The following CFDP1 variants were observed in gnomAD, a reference collection of about 807,000 sequenced individuals.
CFDP1 encodes the protein chromatin remodeling protein CFDP1.
CFDP1 carries 31 observed loss-of-function variants against 40.1 expected under a neutral mutation model. The observed-to-expected ratio is 0.77, with a 90% CI of 0.58 to 1.04. The LOEUF (loss-of-function observed/expected upper bound fraction) is 1.04. CFDP1 is among the 50% of genes least tolerant of loss of function. CFDP1 has a pLI of 0.00. For missense variants in CFDP1, 423 were observed against 343.4 expected, an observed-to-expected ratio of 1.23 and a Z score of -1.83; for synonymous variants, 167 against 120.0, an observed-to-expected ratio of 1.39 and a Z score of -2.56.
chr16:75,354,398 G>C (rs2078633202), intron 5 of CFDP1, among the ~76,000 whole-genome samples: 1 of 152,162 alleles, frequency 6.6e-6, no homozygotes, highest in Non-Finnish European at 1.5e-5. Flanking sequence ...AGATCACAGA[G>C]CGGGATATGG....
At chr16:75,413,897 C>A (rs1310251975) in intron 2 of CFDP1, among the ~76,000 whole-genome samples, 1 of 152,106 alleles carries the variant, frequency 6.6e-6, no homozygotes, top group Non-Finnish European at 1.5e-5. Context: ...AACCTTAGAT[C>A]AAACAATTCC....
At chr16:75,389,073 G>A (rs963598869) in intron 5 of CFDP1, among the ~76,000 whole-genome samples, 1 of 152,178 alleles carries the variant, frequency 6.6e-6, no homozygotes, top group Non-Finnish European at 1.5e-5. Flanking sequence ...ACAAGTCAAT[G>A]CGTAAGGGTA....
rs2078210723 is a variant in CFDP1, at chr16:75,299,939, CAG to C, written c.809+5083_809+5084del. On this transcript the variant is annotated intron_variant, in intron 6 of 6. Transcript: ENST00000283882. ...AGCCTCCTGGGGAAGGAGCACTACA[CAG>C]AGACAGTGAGGCTGGGCTGCAGCGA... 2.6e-5 allele frequency among the ~76,000 whole-genome samples: 4 copies of C among 152,100 alleles called. No individual in the cohort carries two copies. The South Asian group carries it at 8.3e-4, about 32-fold the overall frequency.
chr16:75,323,165 C>T (rs951808519), intron 5 of CFDP1, among the ~76,000 whole-genome samples: 9 of 151,632 alleles, frequency 5.9e-5, no homozygotes, highest in African/African-American at 2.2e-4. Context: ...TTTCTTTATA[C>T]CCTGTTTCTG....
chr16:75,414,552 T>C (rs1251979377), intron 2 of CFDP1, 26 bp downstream of exon 2: 2 of 1,405,424 alleles, frequency 1.4e-6, no homozygotes, highest in Admixed American at 1.7e-5. Flanking sequence ...GCCCCTAACT[T>C]CTAAGGGCCT....
chr16:75,428,172 TC>T (rs2079363546), intron 1 of CFDP1, among the ~76,000 whole-genome samples: 1 of 151,898 alleles, frequency 6.6e-6, no homozygotes, highest in Admixed American at 6.6e-5. Context: ...TTGAAACTGT[TC>T]ATTTTGGTGG....
At chr16:75,375,512 C>A (rs1319031104) in intron 5 of CFDP1, among the ~76,000 whole-genome samples, 1 of 152,144 alleles carries the variant, frequency 6.6e-6, no homozygotes, top group Non-Finnish European at 1.5e-5. Context: ...ACTGACAAGG[C>A]TGGGCGCGGT....
intron 6 of CFDP1, among the ~76,000 whole-genome samples, chr16:75,303,400 A>AATAAATGAATGTATGTATGTATGT (rs745774792): frequency 0.021 from 3,111 of 146,098 alleles, 39 homozygotes; most frequent in South Asian, 0.037. Context: ...TAAATAAATA[A>AATAAATGAATGTATGTATGTATGT]ATGTATGTAT....
At chr16:75,382,204 A>G (rs1483380350) in intron 5 of CFDP1, among the ~76,000 whole-genome samples, 3 of 152,044 alleles carry the variant, frequency 2.0e-5, no homozygotes, top group Non-Finnish European at 4.4e-5. Flanking sequence ...ATTAGATGAC[A>G]TACTATATTG....
chr16:75,422,094 T>C (rs766293270), intron 1 of CFDP1, among the ~76,000 whole-genome samples: 14 of 151,684 alleles, frequency 9.2e-5, no homozygotes, highest in Non-Finnish European at 1.8e-4. Flanking sequence ...AAATACTTTC[T>C]CTCTCTCTCT....
chr16:75,301,959 A>T (rs1489230419), intron 6 of CFDP1: 1 of 152,426 alleles, frequency 6.6e-6, no homozygotes, highest in Non-Finnish European at 1.5e-5. Context: ...GGCACTTAAG[A>T]AGGCAGATGA....
chr16:75,304,214 GTGCACCACTA>G (rs2078242841), intron 6 of CFDP1, among the ~76,000 whole-genome samples: 1 of 152,026 alleles, frequency 6.6e-6, no homozygotes, highest in Non-Finnish European at 1.5e-5. Context: ...GATTACAAGT[GTGCACCACTA>G]TGCCTGGCTA....
At chr16:75,313,335 T>A (rs563098662) in intron 5 of CFDP1, among the ~76,000 whole-genome samples, 1 of 152,240 alleles carries the variant, frequency 6.6e-6, no homozygotes, top group South Asian at 2.1e-4. Flanking sequence ...ATGTGAGAGT[T>A]TTTTTTGTTT....
At position 75,357,848 on chromosome 16, in the gene CFDP1, C is replaced by T. The variant is rs376499390; in HGVS notation, c.650+37242G>A. Among the ~76,000 whole-genome samples the T allele has an allele frequency of 3.3e-5, 5 of 152,216 alleles. No homozygotes were observed. In the East Asian group the frequency reaches 9.6e-4, roughly 29 times the overall value. On this transcript the variant is annotated intron_variant, in intron 5 of 6. Transcript: ENST00000283882. ...TCTTTTGCATTTACAACTTGGCTAA[C>T]TGTTTGGTACAAGAGGCCTAGCTTT...
chr16:75,304,963 TA>T, intron 6 of CFDP1, 60 bp downstream of exon 6: 1 of 1,550,086 alleles, frequency 6.5e-7, no homozygotes, highest in South Asian at 1.1e-5. Context: ...TTGTCTCCAA[TA>T]AATCATTTGA....
chr16:75,418,699 A>G (rs1177553576), intron 1 of CFDP1, among the ~76,000 whole-genome samples: 1 of 150,806 alleles, frequency 6.6e-6, no homozygotes, highest in African/African-American at 2.4e-5. Context: ...TCTAAAGTTC[A>G]AAGTTGAGAC....
chr16:75,410,396 A>T (rs1486831148), intron 4 of CFDP1, among the ~76,000 whole-genome samples: 1 of 152,188 alleles, frequency 6.6e-6, no homozygotes, highest in African/African-American at 2.4e-5. Flanking sequence ...CCAGGAGACT[A>T]ACTTGCTCAA....
intron 5 of CFDP1, among the ~76,000 whole-genome samples, chr16:75,373,400 T>C (rs1487392583): frequency 6.6e-6 from 1 of 152,198 alleles, no homozygotes; most frequent in Non-Finnish European, 1.5e-5. Context: ...AAGGTTGTTT[T>C]GTACTAAAAA....
chr16:75,421,952 T>C (rs1413226337), intron 1 of CFDP1, among the ~76,000 whole-genome samples: 4 of 152,212 alleles, frequency 2.6e-5, no homozygotes, highest in South Asian at 2.1e-4. Context: ...CTTTAAGTCA[T>C]CTCTAGATTA....
Sources: allele counts gnomAD v4.1 joint callset (sites outside exome capture counted in the v4.1 genomes callset), GRCh38; gene constraint gnomAD v4.1.1; transcripts MANE v1.5; gene names NCBI Gene and HGNC (gene_info 2026-07-23, HGNC 2026-07-21).